Variants in SLC30A7 observed in about 807,000 individuals in gnomAD.
SLC30A7 encodes the protein solute carrier family 30 member 7, also known as zinc transporter 7.
In SLC30A7, 35 loss-of-function variants were observed where a neutral mutation model predicts 46.0. The observed-to-expected ratio is 0.76, with a 90% CI of 0.58 to 1.01. SLC30A7 has a LOEUF of 1.01. Among genes scored for constraint, SLC30A7 ranks in the 50% least tolerant of loss-of-function variants. SLC30A7 has a pLI of 0.00. For missense variants in SLC30A7, 464 were observed against 451.1 expected, an observed-to-expected ratio of 1.03 and a Z score of -0.26; for synonymous variants, 147 against 157.8, an observed-to-expected ratio of 0.93 and a Z score of 0.51.
chr1:100,896,554 C>T lies in SLC30A7; in HGVS notation c.81-16C>T, dbSNP rs1392820483. 2.5e-6 allele frequency: 4 copies of T among 1,609,260 alleles called. No homozygotes were observed. The highest frequency in any genetic ancestry group is 1.7e-5 in the Admixed American group (1 of 59,962). On this transcript the variant is annotated splice_polypyrimidine_tract_variant and intron_variant, in intron 1 of 10. Coordinates refer to ENST00000357650, the MANE Select transcript of SLC30A7 (RefSeq NM_133496.5). Reference sequence around the variant, plus strand: ...CCTTAACTCTCCCGGCTCTTTTCCACGTGTATCATTCCCAGGTCTATACTG... The same window carrying T: ...CCTTAACTCTCCCGGCTCTTTTCCATGTGTATCATTCCCAGGTCTATACTG...
intron 8 of SLC30A7, among the ~76,000 whole-genome samples, chr1:100,957,758 A>G (rs1655306750): frequency 6.6e-6 from 1 of 152,326 alleles, no homozygotes; most frequent in African/African-American, 2.4e-5. Context: ...ATTCTCAAAC[A>G]TAATTCAAGG....
the SLC30A7 span, chr1:100,995,295 A>G: frequency 1.9e-6 from 1 of 539,548 alleles, no homozygotes; most frequent in Non-Finnish European, 3.3e-6. Flanking sequence ...AGTAACATAG[A>G]GAAGAATGGA....
chr1:100,980,761 A>T lies in SLC30A7; in HGVS notation c.*5904A>T, dbSNP rs1656881087. On this transcript the variant is annotated 3_prime_UTR_variant, in exon 11 of 11. Coordinates refer to ENST00000357650, the MANE Select transcript of SLC30A7 (RefSeq NM_133496.5). ...CCATTTTACAAATTGTTGGATCGGA[A>T]TTTGACAGAATTGGGACTGTGGAAC... 1 of 152,030 alleles carries T rather than the reference A, an allele frequency of 6.6e-6. No individual in the cohort carries two copies. The highest frequency in any genetic ancestry group is 1.5e-5 in the Non-Finnish European group (1 of 67,944). The allele number at this position is 152,030 out of a possible 1,614,324, so 9.4% of individuals were successfully genotyped here. A position where few individuals can be genotyped will look rare whatever the true frequency, so the allele number is the denominator to read the frequency against.
the SLC30A7 span, chr1:100,990,536 C>A: frequency 6.2e-7 from 1 of 1,614,172 alleles, no homozygotes. Flanking sequence ...TCTCCCAAGT[C>A]CACAGTGCAC....
In SLC30A7 at chr1:100,981,185, T is replaced by TAC. The variant is rs1029969573; in HGVS notation, c.*6330_*6331dup. 2 of 152,174 alleles carry TAC rather than the reference T, an allele frequency of 1.3e-5. No homozygotes were observed. The highest frequency in any genetic ancestry group is 2.9e-5 in the Non-Finnish European group (2 of 67,982). The allele number at this position is 152,174 out of a possible 1,614,324, so 9.4% of individuals were successfully genotyped here. On this transcript the variant is annotated 3_prime_UTR_variant, in exon 11 of 11. Transcript: ENST00000357650. ...TTTGTTTATGTATCACATACTGTGC[T>TAC]ACAGTTAGCCTCAATGAAGATTCTA...
At chr1:100,949,508 T>C (rs933912966) in intron 8 of SLC30A7, among the ~76,000 whole-genome samples, 1 of 152,172 alleles carries the variant, frequency 6.6e-6, no homozygotes, top group East Asian at 1.9e-4. Context: ...TTCTCAGTGC[T>C]CAAAACACCA....
At chr1:100,908,841 A>C (rs1651884141) in intron 3 of SLC30A7, among the ~76,000 whole-genome samples, 1 of 152,136 alleles carries the variant, frequency 6.6e-6, no homozygotes, top group Non-Finnish European at 1.5e-5. Context: ...ACAGTAGCTG[A>C]CTATTGAAAA....
intron 4 of SLC30A7, 21 bp from the exon 5 acceptor site, chr1:100,912,091 T>C: frequency 6.2e-7 from 1 of 1,605,490 alleles, no homozygotes; most frequent in Non-Finnish European, 8.5e-7. Flanking sequence ...ATGCTATTTG[T>C]TTGTATTATG....
Position 100,978,710 on chromosome 1 carries a change from C to T in SLC30A7, c.*3853C>T, listed in dbSNP as rs1656719930. On this transcript the variant is annotated 3_prime_UTR_variant, in exon 11 of 11. Coordinates refer to ENST00000357650, the MANE Select transcript of SLC30A7 (RefSeq NM_133496.5). ...TGATTTGTAAATAAAGGACATCTGACCTCCTTTTTTGGTACATTAAGGCAC... is the reference window on the plus strand; with the variant it reads ...TGATTTGTAAATAAAGGACATCTGATCTCCTTTTTTGGTACATTAAGGCAC... 1.3e-5 allele frequency: 2 copies of T among 152,144 alleles called. No individual in the cohort carries two copies. Among genetic ancestry groups the T allele is most frequent in the Admixed American group, 6.5e-5 (1 of 15,274 alleles). The allele number at this position is 152,144 out of a possible 1,614,324, so 9.4% of individuals were successfully genotyped here. A position where few individuals can be genotyped will look rare whatever the true frequency, so the allele number is the denominator to read the frequency against.
At chr1:100,914,885 T>G (rs557064439) in intron 6 of SLC30A7, among the ~76,000 whole-genome samples, 96 of 151,998 alleles carry the variant, frequency 6.3e-4, no homozygotes, top group Non-Finnish European at 1.0e-3. Context: ...TTAGCTGAGA[T>G]CACGCTACTG....
chr1:100,973,876 T>C (rs542274330), intron 10 of SLC30A7, among the ~76,000 whole-genome samples: 2 of 152,046 alleles, frequency 1.3e-5, no homozygotes, highest in African/African-American at 2.4e-5. Flanking sequence ...GGCCTGAGAA[T>C]TGGATATTAA....
At chr1:100,995,046 TA>T in the SLC30A7 span, 1 of 1,159,432 alleles carries the variant, frequency 8.6e-7, no homozygotes, top group Non-Finnish European at 1.3e-6. Flanking sequence ...GTCATTTAAG[TA>T]GAATGTATTG....
chr1:100,925,636 TTTC>T (rs1181442154), intron 8 of SLC30A7, among the ~76,000 whole-genome samples: 1 of 152,136 alleles, frequency 6.6e-6, no homozygotes, highest in Non-Finnish European at 1.5e-5. Flanking sequence ...TTAAGGATAG[TTTC>T]TAGAGTTTTT....
At chr1:100,948,763 T>A (rs2101067305) in intron 8 of SLC30A7, among the ~76,000 whole-genome samples, 1 of 152,296 alleles carries the variant, frequency 6.6e-6, no homozygotes, top group South Asian at 2.1e-4. Flanking sequence ...TCTAAACTTG[T>A]CTTCTTGCTT....
At position 100,980,221 on chromosome 1, in the gene SLC30A7, T is replaced by C. The variant is rs1451659933; in HGVS notation, c.*5364T>C. ...TTCTATCCAAGAGACCTTAATTTAG[T>C]TTATTAGGGAATTATCTTCCCCAAA... On this transcript the variant is annotated 3_prime_UTR_variant, in exon 11 of 11. Coordinates refer to ENST00000357650, the MANE Select transcript of SLC30A7 (RefSeq NM_133496.5). 1 of 152,124 alleles carries C rather than the reference T, an allele frequency of 6.6e-6. No individual in the cohort carries two copies. Among genetic ancestry groups the C allele is most frequent in the African/African-American group, 2.4e-5 (1 of 41,448 alleles). The allele number at this position is 152,124 out of a possible 1,614,324, so 9.4% of individuals were successfully genotyped here. A position where few individuals can be genotyped will look rare whatever the true frequency, so the allele number is the denominator to read the frequency against.
intron 8 of SLC30A7, among the ~76,000 whole-genome samples, chr1:100,936,698 CTT>C (rs1367824628): frequency 6.6e-6 from 1 of 152,170 alleles, no homozygotes; most frequent in Non-Finnish European, 1.5e-5. Flanking sequence ...CCACAGAACT[CTT>C]TTCATGTTGC....
In SLC30A7 at chr1:100,975,372, G is replaced by A. The variant is rs1656407427; in HGVS notation, c.*515G>A. On this transcript the variant is annotated 3_prime_UTR_variant, in exon 11 of 11. Coordinates refer to ENST00000357650, the MANE Select transcript of SLC30A7 (RefSeq NM_133496.5). ...CTGTGCTATACGTAATGTCATAATTGTTGACGTTCTTCAGTATAATCATGT... is the reference window on the plus strand; with the variant it reads ...CTGTGCTATACGTAATGTCATAATTATTGACGTTCTTCAGTATAATCATGT... 1 of 152,556 alleles carries A rather than the reference G, an allele frequency of 6.6e-6. No individual in the cohort carries two copies. Among genetic ancestry groups the A allele is most frequent in the South Asian group, 2.1e-4 (1 of 4,830 alleles). The allele number at this position is 152,556 out of a possible 1,614,324, so 9.5% of individuals were successfully genotyped here.
At chr1:100,967,113 G>A (rs1312390901) in intron 10 of SLC30A7, among the ~76,000 whole-genome samples, 1 of 152,168 alleles carries the variant, frequency 6.6e-6, no homozygotes, top group African/African-American at 2.4e-5. Flanking sequence ...TAAGAAAGAG[G>A]CAGAGAGAAT....
chr1:100,943,552 T>G (rs764015983), intron 8 of SLC30A7, among the ~76,000 whole-genome samples: 5 of 150,872 alleles, frequency 3.3e-5, no homozygotes, highest in Non-Finnish European at 5.9e-5. Context: ...TCTCCCTATC[T>G]GGATCTTTCT....
Sources: allele counts gnomAD v4.1 joint callset (sites outside exome capture counted in the v4.1 genomes callset), GRCh38; gene constraint gnomAD v4.1.1; transcripts MANE v1.5; gene names NCBI Gene and HGNC (gene_info 2026-07-23, HGNC 2026-07-21).